The following THRB variants were observed in gnomAD, a reference collection of about 807,000 sequenced individuals.
The protein encoded by THRB is thyroid hormone receptor beta, also known as nuclear receptor subfamily 1 group A member 2.
Under a neutral mutation model 47.8 loss-of-function variants are expected in THRB, and 12 were observed. That is an observed-to-expected ratio of 0.25 (90% confidence interval 0.16 to 0.41). The LOEUF (loss-of-function observed/expected upper bound fraction) is 0.41. Among genes scored for constraint, THRB ranks in the 10% least tolerant of loss-of-function variants. The pLI is 1.00. For synonymous variants in THRB, 218 were observed against 212.2 expected (o/e 1.03, Z -0.24); for missense variants, 348 against 589.2 (o/e 0.59, Z 4.24).
At chr3:24,480,020 G>A (rs1438807234) in intron 1 of THRB, among the ~76,000 whole-genome samples, 2 of 152,194 alleles carry the variant, frequency 1.3e-5, no homozygotes, top group African/African-American at 4.8e-5. Flanking sequence ...ATTCCATGCT[G>A]TATAAGAGTC....
intron 1 of THRB, among the ~76,000 whole-genome samples, chr3:24,423,898 A>C (rs1029273997): frequency 6.6e-6 from 1 of 151,868 alleles, no homozygotes; most frequent in Non-Finnish European, 1.5e-5. Flanking sequence ...GCAGAAGACA[A>C]GATATTTAAA....
intron 1 of THRB, among the ~76,000 whole-genome samples, chr3:24,474,663 C>G (rs1198459079): frequency 6.6e-6 from 1 of 152,176 alleles, no homozygotes; most frequent in Non-Finnish European, 1.5e-5. Flanking sequence ...ACAATCCTTC[C>G]AGGAAGGATT....
intron 1 of THRB, among the ~76,000 whole-genome samples, chr3:24,470,623 A>C (rs1183690363): frequency 6.6e-6 from 1 of 152,134 alleles, no homozygotes; most frequent in Non-Finnish European, 1.5e-5. Flanking sequence ...TCCAATGTAG[A>C]GACTTTTTTT....
At chr3:24,297,646 T>G (rs1576637816) in intron 2 of THRB, among the ~76,000 whole-genome samples, 4 of 152,084 alleles carry the variant, frequency 2.6e-5, no homozygotes, top group African/African-American at 4.8e-5. Flanking sequence ...TGATGTGAGG[T>G]TCCCTCACTG....
chr3:24,414,747 T>C (rs866711459), intron 1 of THRB, among the ~76,000 whole-genome samples: 4 of 151,822 alleles, frequency 2.6e-5, no homozygotes, highest in East Asian at 2.0e-4. Flanking sequence ...AGATGCATTA[T>C]ATTAGGAGGA....
intron 5 of THRB, among the ~76,000 whole-genome samples, chr3:24,183,368 C>CTTTTTTTTTTTTT (rs1193344905): frequency 3.6e-5 from 3 of 84,234 alleles, no homozygotes; most frequent in Non-Finnish European, 5.1e-5. Context: ...TTTTTCTTTT[C>CTTTTTTTTTTTTT]TTTTTTTTTT....
chr3:24,365,863 T>G (rs1434066206), intron 1 of THRB, among the ~76,000 whole-genome samples: 1 of 152,194 alleles, frequency 6.6e-6, no homozygotes, highest in African/African-American at 2.4e-5. Flanking sequence ...TTAGAGTTTC[T>G]ATTTCTCCCA....
chr3:24,440,143 T>G (rs1032811919), intron 1 of THRB, among the ~76,000 whole-genome samples: 1 of 152,208 alleles, frequency 6.6e-6, no homozygotes, highest in Non-Finnish European at 1.5e-5. Flanking sequence ...GTTTCTAGAT[T>G]GATTTTTTTA....
At chr3:24,463,322 G>A (rs541425219) in intron 1 of THRB, among the ~76,000 whole-genome samples, 4 of 152,314 alleles carry the variant, frequency 2.6e-5, no homozygotes, top group Non-Finnish European at 5.9e-5. Flanking sequence ...ATGCAGTGGT[G>A]TGATCATAGC....
intron 1 of THRB, among the ~76,000 whole-genome samples, chr3:24,445,849 A>C (rs568895128): frequency 1.1e-4 from 16 of 152,334 alleles, no homozygotes; most frequent in African/African-American, 3.4e-4. Context: ...TAAACATTCA[A>C]CCATAGACGT....
intron 3 of THRB, among the ~76,000 whole-genome samples, chr3:24,290,318 T>C (rs1481544733): frequency 6.6e-6 from 1 of 152,168 alleles, no homozygotes; most frequent in African/African-American, 2.4e-5. Context: ...ACATTTGGAG[T>C]GTCTGCCTGC....
chr3:24,460,615 G>A (rs2073609315), intron 1 of THRB, among the ~76,000 whole-genome samples: 1 of 152,160 alleles, frequency 6.6e-6, no homozygotes, highest in South Asian at 2.1e-4. Context: ...GCTATCTTGA[G>A]AATTATTTGT....
chr3:24,230,114 C>G (rs955852058), intron 3 of THRB, among the ~76,000 whole-genome samples: 1 of 152,152 alleles, frequency 6.6e-6, no homozygotes, highest in Middle Eastern at 3.2e-3. Flanking sequence ...AGAAAAAGAA[C>G]GAGGCAGAGG....
At chr3:24,148,158 G>A (rs956204663) in intron 6 of THRB, among the ~76,000 whole-genome samples, 5 of 152,108 alleles carry the variant, frequency 3.3e-5, no homozygotes, top group African/African-American at 9.7e-5. Flanking sequence ...ACAGAGTCTC[G>A]CTCTGTCACC....
intron 3 of THRB, among the ~76,000 whole-genome samples, chr3:24,238,774 T>C (rs901170688): frequency 6.6e-6 from 1 of 152,146 alleles, no homozygotes; most frequent in African/African-American, 2.4e-5. Context: ...TTATGAAGAC[T>C]GCTGTGCTCC....
At chr3:24,404,886 A>G (rs770392216) in intron 1 of THRB, among the ~76,000 whole-genome samples, 1 of 151,846 alleles carries the variant, frequency 6.6e-6, no homozygotes, top group Non-Finnish European at 1.5e-5. Flanking sequence ...TTATTTATGT[A>G]TATAACTAAA....
chr3:24,336,698 C>T (rs1200407963), intron 2 of THRB, among the ~76,000 whole-genome samples: 1 of 151,382 alleles, frequency 6.6e-6, no homozygotes, highest in East Asian at 1.9e-4. Flanking sequence ...CTCGCTGGAA[C>T]CAATGGGTTA....
At position 24,411,442 on chromosome 3, in the gene THRB, C is replaced by G. The variant is rs375128094; in HGVS notation, c.-260-74071G>C. 4.0e-5 allele frequency among the ~76,000 whole-genome samples: 6 copies of G among 151,718 alleles called. No homozygotes were observed. In the South Asian group the frequency reaches 1.0e-3, roughly 26 times the overall value. ...ATAATGTCACTGTTCTTACTATGGTCATATTTAAATCACATGGCAAAGCAG... is the reference window on the plus strand; with the variant it reads ...ATAATGTCACTGTTCTTACTATGGTGATATTTAAATCACATGGCAAAGCAG... On this transcript the variant is annotated intron_variant, in intron 1 of 10. Transcript: ENST00000646209.
At chr3:24,128,837 T>C (rs955221000) in intron 9 of THRB, among the ~76,000 whole-genome samples, 4 of 141,926 alleles carry the variant, frequency 2.8e-5, no homozygotes, top group Non-Finnish European at 6.1e-5. Context: ...CAGAATCCAA[T>C]GCCAAGAGAA....
Sources: gnomAD v4.1 joint callset for allele counts (sites outside exome capture counted in the v4.1 genomes callset) on GRCh38, gnomAD v4.1.1 for gene constraint, MANE v1.5 for transcripts, NCBI Gene and HGNC (gene_info 2026-07-23, HGNC 2026-07-21) for gene names.